TMEM170A: variants seen among roughly 807,000 people sequenced by gnomAD.
TMEM170A encodes the protein transmembrane protein 170.
TMEM170A carries 18 observed loss-of-function variants against 12.8 expected under a neutral mutation model. That is an observed-to-expected ratio of 1.41 (90% CI 0.97 to 2.09). TMEM170A has a LOEUF of 2.09. Ranked by LOEUF, TMEM170A falls within the 30% of genes most tolerant of loss-of-function variation. TMEM170A has a pLI of 0.00. For missense variants in TMEM170A, 220 were observed against 179.9 expected, an observed-to-expected ratio of 1.22 and a Z score of -1.28; for synonymous variants, 107 against 76.2, an observed-to-expected ratio of 1.40 and a Z score of -2.11.
Position 75,451,737 on chromosome 16 carries a change from C to T in TMEM170A, c.236G>A (p.Gly79Asp). 6.2e-7 allele frequency: 1 copy of T among 1,614,104 alleles called. No homozygotes were observed. ...CAGGATGCTTACAGACATGAACCTACCATATTTGTGATGTCTGAGGGTGAA... is the reference window on the plus strand; with the variant it reads ...CAGGATGCTTACAGACATGAACCTATCATATTTGTGATGTCTGAGGGTGAA... ...ALFTLRHHKY[G>D]RFMSVSILLM... Residue 79 changes from glycine to aspartate, a missense_variant, in exon 2 of 3, where the codon GGT becomes GAT. Transcript: ENST00000561878.
chr16:75,463,724 C>T (rs535691971), intron 1 of TMEM170A, among the ~76,000 whole-genome samples: 8 of 152,376 alleles, frequency 5.3e-5, no homozygotes, highest in Non-Finnish European at 5.9e-5. Context: ...TCTCCTCCTT[C>T]CCAAGTGAAG....
Position 75,445,186 on chromosome 16 carries a change from G to A in TMEM170A, c.*2372C>T, listed in dbSNP as rs889033010. On this transcript the variant is annotated 3_prime_UTR_variant, in exon 3 of 3. Coordinates refer to ENST00000561878, the MANE Select transcript of TMEM170A (RefSeq NM_145254.3). ...CAAAAAACTAGAATTTTTACAATTT[G>A]CCTGTGAGAAAGATTTGAGCTTCTT... is the stretch of plus-strand genomic sequence containing the variant. 42 of 152,334 alleles carry A rather than the reference G, an allele frequency of 2.8e-4. No homozygotes were observed. Among genetic ancestry groups the A allele is most frequent in the African/African-American group, 9.1e-4 (38 of 41,576 alleles). The allele number at this position is 152,334 out of a possible 1,614,324, so 9.4% of individuals were successfully genotyped here. A position where few individuals can be genotyped will look rare whatever the true frequency, so the allele number is the denominator to read the frequency against.
intron 1 of TMEM170A, among the ~76,000 whole-genome samples, chr16:75,455,225 C>T (rs370033474): frequency 1.3e-5 from 2 of 151,928 alleles, no homozygotes; most frequent in Non-Finnish European, 2.9e-5. Context: ...GGCAAGGCAG[C>T]GGGCACCTGT....
Position 75,451,836 on chromosome 16 carries a change from A to T in TMEM170A, c.137T>A (p.Met46Lys), listed in dbSNP as rs970098201. ...TGCCCACAGGAATACACCATACCAC[A>T]TCTCTATGAGGGAAGACAAAGAAAA... ...NSTSLCSFPE[M>K]WYGVFLWALV... The change falls in exon 2 of 3, where the codon ATG becomes AAG. Residue 46 changes from methionine to lysine, a missense_variant. Transcript: ENST00000561878. 1 of 1,609,856 alleles carries T rather than the reference A, an allele frequency of 6.2e-7. No individual in the cohort carries two copies. The highest frequency in any genetic ancestry group is 8.5e-7 in the Non-Finnish European group (1 of 1,177,826).
chr16:75,464,270 C>G, intron 1 of TMEM170A, 198 bp downstream of exon 1: 3 of 1,494,654 alleles, frequency 2.0e-6, no homozygotes, highest in Non-Finnish European at 2.7e-6. Flanking sequence ...AGCGGGACTC[C>G]GGGGCTCCGC....
At chr16:75,450,701 C>T (rs558954202) in intron 2 of TMEM170A, among the ~76,000 whole-genome samples, 3 of 152,114 alleles carry the variant, frequency 2.0e-5, no homozygotes, top group African/African-American at 7.2e-5. Flanking sequence ...GTGGCCCAGG[C>T]TGGAGTGCTG....
intron 2 of TMEM170A, 117 bp downstream of exon 2, chr16:75,451,552 C>A (rs181404138): frequency 9.1e-7 from 1 of 1,094,426 alleles, no homozygotes; most frequent in Admixed American, 2.0e-5. Flanking sequence ...CCTGTCTGGA[C>A]TTGCAGTTAA....
In TMEM170A at chr16:75,455,681, T is replaced by G. The variant is rs149561934; in HGVS notation, c.134-3842A>C. Among the ~76,000 whole-genome samples, 791 of 152,276 alleles carry G rather than the reference T, an allele frequency of 5.2e-3. 12 individuals carry two copies. Among genetic ancestry groups the G allele is most frequent in the African/African-American group, 0.018 (748 of 41,548 alleles). On this transcript the variant is annotated intron_variant, in intron 1 of 2. Transcript: ENST00000561878. Reference sequence around the variant, plus strand: ...TTAGCCGGGCGTGGTGGCAAATGCCTGTAATCCCAGCTACTCAGGAGGCTG... The same window carrying G: ...TTAGCCGGGCGTGGTGGCAAATGCCGGTAATCCCAGCTACTCAGGAGGCTG...
At chr16:75,450,209 C>A (rs570919048) in intron 2 of TMEM170A, among the ~76,000 whole-genome samples, 13 of 144,992 alleles carry the variant, frequency 9.0e-5, no homozygotes, top group Admixed American at 6.9e-4. Flanking sequence ...CACCTCAAGT[C>A]AAAGACATAG....
chr16:75,450,306 A>C (rs1443595027), intron 2 of TMEM170A, among the ~76,000 whole-genome samples: 3 of 152,140 alleles, frequency 2.0e-5, no homozygotes, highest in Non-Finnish European at 4.4e-5. Flanking sequence ...CTATATTATA[A>C]AAATGTATTT....
chr16:75,447,721 CA>C (rs372208743), intron 2 of TMEM170A, 33 bp from the exon 3 acceptor site: 3 of 1,552,762 alleles, frequency 1.9e-6, no homozygotes, highest in Non-Finnish European at 2.6e-6. Context: ...TAAACAAAAA[CA>C]AAAAACGAAG....
intron 1 of TMEM170A, among the ~76,000 whole-genome samples, chr16:75,463,506 G>A (rs911046756): frequency 2.5e-4 from 38 of 152,014 alleles, no homozygotes; most frequent in East Asian, 5.8e-4. Context: ...CCTGGCAGTC[G>A]CTGCCCAGGG....
At chr16:75,461,082 C>T (rs1444072272) in intron 1 of TMEM170A, among the ~76,000 whole-genome samples, 1 of 152,160 alleles carries the variant, frequency 6.6e-6, no homozygotes, top group Non-Finnish European at 1.5e-5. Flanking sequence ...TTGAGACAGT[C>T]TCGCTCTGTG....
intron 1 of TMEM170A, chr16:75,458,334 A>C (rs1424636134): frequency 6.6e-6 from 1 of 152,234 alleles, no homozygotes; most frequent in Non-Finnish European, 1.5e-5. Flanking sequence ...CCATCTCCAA[A>C]ACCTGTGAAC....
intron 1 of TMEM170A, among the ~76,000 whole-genome samples, chr16:75,455,441 T>C (rs1343061071): frequency 5.3e-5 from 8 of 151,816 alleles, no homozygotes; most frequent in Non-Finnish European, 1.0e-4. Context: ...CAAAAGCCAG[T>C]TGCATGTAGA....
intron 2 of TMEM170A, among the ~76,000 whole-genome samples, chr16:75,449,221 A>G (rs550038572): frequency 1.7e-4 from 26 of 152,280 alleles, no homozygotes; most frequent in Non-Finnish European, 3.2e-4. Flanking sequence ...TCTGTGTTTT[A>G]TAAGGTATGA....
chr16:75,445,154 C>A lies in TMEM170A; in HGVS notation c.*2404G>T, dbSNP rs1036536915. 2.0e-5 allele frequency: 3 copies of A among 151,974 alleles called. No individual in the cohort carries two copies. The highest frequency in any genetic ancestry group is 4.9e-5 in the African/African-American group (2 of 41,236). The allele number at this position is 151,974 out of a possible 1,614,324, so 9.4% of individuals were successfully genotyped here. On this transcript the variant is annotated 3_prime_UTR_variant, in exon 3 of 3. Transcript: ENST00000561878. Reference sequence around the variant, plus strand: ...AGGGATACTTTTGAAAATCACAGCTCTTTAAACAAAAAACTAGAATTTTTA... The same window carrying A: ...AGGGATACTTTTGAAAATCACAGCTATTTAAACAAAAAACTAGAATTTTTA...
rs2079967409 is a variant in TMEM170A, at chr16:75,464,659, G to A, written c.-59C>T. On this transcript the variant is annotated 5_prime_UTR_variant, in exon 1 of 3. Transcript: ENST00000561878. The stretch of plus-strand genomic sequence containing the variant: ...GAGCGCCCGAAGTGCGGTAGCGGCC[G>A]GCGCCGACTCACCCTCGCCGCCTCA... 12 of 1,534,170 alleles carry A rather than the reference G, an allele frequency of 7.8e-6. No individual in the cohort carries two copies. Among genetic ancestry groups the A allele is most frequent in the Admixed American group, 4.3e-5 (2 of 46,144 alleles).
intron 1 of TMEM170A, chr16:75,459,908 T>A (rs1362276568): frequency 6.6e-6 from 1 of 151,144 alleles, no homozygotes; most frequent in Non-Finnish European, 1.5e-5. Context: ...GAAGTTGGGC[T>A]ATCTTGATAC....
Sources: allele counts gnomAD v4.1 joint callset (sites outside exome capture counted in the v4.1 genomes callset), GRCh38; gene constraint gnomAD v4.1.1; transcripts MANE v1.5; gene names NCBI Gene and HGNC (gene_info 2026-07-23, HGNC 2026-07-21).